The following MYO16 variants were observed in gnomAD, a reference collection of about 807,000 sequenced individuals.
The protein encoded by MYO16 is myosin XVI, also known as unconventional myosin-XVI.
In MYO16, 94 loss-of-function variants were observed where a neutral mutation model predicts 205.3. The ratio of observed to expected loss-of-function variants is 0.46; its 90% CI spans 0.39 to 0.54. The LOEUF (loss-of-function observed/expected upper bound fraction) is 0.54, where lower values mean the gene tolerates loss of function less well. Ranked by LOEUF, MYO16 falls within the 20% of genes least tolerant of loss-of-function variation. The pLI, the probability that MYO16 is intolerant of heterozygous loss-of-function variation, is 0.00. For missense variants in MYO16, 2,315 were observed against 2,387.5 expected, an observed-to-expected ratio of 0.97 and a Z score of 0.63; for synonymous variants, 988 against 954.0, an observed-to-expected ratio of 1.04 and a Z score of -0.66.
At chr13:108,561,558 AT>A in the MYO16 span, among the ~76,000 whole-genome samples, 2 of 152,252 alleles carry the variant, frequency 1.3e-5, no homozygotes, top group African/African-American at 2.4e-5. Context: ...GTTAGGTATT[AT>A]AAAGTGTGTT....
intron 20 of MYO16, among the ~76,000 whole-genome samples, chr13:108,967,844 G>C (rs1023501437): frequency 2.6e-5 from 4 of 152,056 alleles, no homozygotes; most frequent in African/African-American, 9.7e-5. Flanking sequence ...AGGAAAATGG[G>C]AAGCACTGCT....
intron 32 of MYO16, among the ~76,000 whole-genome samples, chr13:109,152,891 G>GCA (rs747619842): frequency 3.8e-4 from 58 of 152,276 alleles, no homozygotes; most frequent in Non-Finnish European, 7.6e-4. Flanking sequence ...AATACGAAGG[G>GCA]CACACTTCAT....
intron 16 of MYO16, among the ~76,000 whole-genome samples, chr13:108,957,274 G>T (rs7991358): frequency 6.7e-6 from 1 of 148,870 alleles, no homozygotes; most frequent in African/African-American, 2.5e-5. Flanking sequence ...ATCCCAGCTA[G>T]TCAAGAGGTT....
At chr13:109,199,246 A>C (rs2139966521) in intron 34 of MYO16, among the ~76,000 whole-genome samples, 1 of 104,354 alleles carries the variant, frequency 9.6e-6, no homozygotes, top group African/African-American at 3.6e-5. Flanking sequence ...ATATACCGTC[A>C]TTTTGCCTCG....
At chr13:109,131,668 G>A (rs538250043) in intron 31 of MYO16, among the ~76,000 whole-genome samples, 3 of 152,336 alleles carry the variant, frequency 2.0e-5, no homozygotes, top group African/African-American at 7.2e-5. Context: ...AGGAATTGTG[G>A]TTTTTGCCAT....
At chr13:108,594,631 G>A (rs1292990265), upstream of MYO16, among the ~76,000 whole-genome samples, 3 of 152,174 alleles carry the variant, frequency 2.0e-5, no homozygotes, top group African/African-American at 7.2e-5. Context: ...TTCCCCTGAT[G>A]CGGCACTTCG....
At chr13:108,826,423 A>C (rs547388071) in intron 9 of MYO16, among the ~76,000 whole-genome samples, 1 of 152,140 alleles carries the variant, frequency 6.6e-6, no homozygotes, top group Non-Finnish European at 1.5e-5. Context: ...AATTAACTCA[A>C]AATGGATCAT....
chr13:109,124,554 C>G (rs117546351), intron 29 of MYO16, among the ~76,000 whole-genome samples: 4 of 152,112 alleles, frequency 2.6e-5, no homozygotes, highest in African/African-American at 9.7e-5. Context: ...CTCATTTCCC[C>G]CAACTTTTAC....
At chr13:108,600,289 C>T (rs887062973) in intron 1 of MYO16, among the ~76,000 whole-genome samples, 2 of 152,116 alleles carry the variant, frequency 1.3e-5, no homozygotes, top group African/African-American at 2.4e-5. Context: ...ATTGGCATTG[C>T]TTAATTTGCT....
chr13:108,798,529 C>A (rs903326543), intron 6 of MYO16, among the ~76,000 whole-genome samples: 3 of 151,952 alleles, frequency 2.0e-5, no homozygotes, highest in African/African-American at 4.8e-5. Context: ...TTAATAAACA[C>A]CATGTTACAG....
the MYO16 span, among the ~76,000 whole-genome samples, chr13:108,580,917 A>G: frequency 2.2e-4 from 34 of 152,362 alleles, no homozygotes; most frequent in East Asian, 5.0e-3. Flanking sequence ...GACTGAATAG[A>G]CAGTCTAAGA....
At chr13:109,081,985 CA>C (rs991716294) in intron 27 of MYO16, among the ~76,000 whole-genome samples, 2 of 152,164 alleles carry the variant, frequency 1.3e-5, no homozygotes, top group African/African-American at 4.8e-5. Context: ...CATTTGTTTT[CA>C]TATCATTTTC....
the MYO16 span, among the ~76,000 whole-genome samples, chr13:108,562,102 T>C: frequency 6.6e-5 from 10 of 152,304 alleles, no homozygotes; most frequent in South Asian, 2.1e-3. Context: ...AAAATAAAAA[T>C]TCATTTCTCA....
At chr13:108,593,093 A>G (rs546781943), upstream of MYO16, among the ~76,000 whole-genome samples, 32 of 152,130 alleles carry the variant, frequency 2.1e-4, no homozygotes, top group Non-Finnish European at 3.7e-4. Flanking sequence ...TGTCATTTCA[A>G]TGTCATCTGT....
intron 16 of MYO16, among the ~76,000 whole-genome samples, chr13:108,917,715 G>A (rs1442790182): frequency 6.6e-6 from 1 of 152,228 alleles, no homozygotes; most frequent in Non-Finnish European, 1.5e-5. Context: ...TAGCATAAGA[G>A]AATTTTGGCC....
the MYO16 span, among the ~76,000 whole-genome samples, chr13:108,509,744 A>C: frequency 2.6e-5 from 4 of 152,206 alleles, no homozygotes; most frequent in Non-Finnish European, 5.9e-5. Context: ...ACATGTATAC[A>C]TATGTAAAAA....
chr13:108,973,551 A>G (rs1031376480), intron 20 of MYO16, among the ~76,000 whole-genome samples: 2 of 150,492 alleles, frequency 1.3e-5, no homozygotes, highest in Non-Finnish European at 2.9e-5. Flanking sequence ...GCACATTCAC[A>G]ACGTTGCCCC....
At chr13:109,179,131 C>T (rs754126945) in intron 33 of MYO16, among the ~76,000 whole-genome samples, 8 of 152,144 alleles carry the variant, frequency 5.3e-5, no homozygotes, top group Non-Finnish European at 7.3e-5. Flanking sequence ...ATCCCTTCCT[C>T]GTCTCCCTGC....
At chr13:108,858,299 C>T (rs1878292699) in intron 11 of MYO16, among the ~76,000 whole-genome samples, 1 of 152,166 alleles carries the variant, frequency 6.6e-6, no homozygotes, top group African/African-American at 2.4e-5. Context: ...ACAAAGGTAT[C>T]AGTCCATGAT....
Sources: allele counts gnomAD v4.1 joint callset (sites outside exome capture counted in the v4.1 genomes callset), GRCh38; gene constraint gnomAD v4.1.1; transcripts MANE v1.5; gene names NCBI Gene and HGNC (gene_info 2026-07-23, HGNC 2026-07-21).